Variants in PDGFD observed in about 807,000 individuals in gnomAD.
PDGFD encodes platelet-derived growth factor D.
In PDGFD, 30 loss-of-function variants were observed where a neutral mutation model predicts 44.7. The ratio of observed to expected loss-of-function variants is 0.67; its 90% CI spans 0.50 to 0.91. The LOEUF is 0.91. Among genes scored for constraint, PDGFD ranks in the 40% least tolerant of loss-of-function variants. The pLI is 0.00. For missense variants in PDGFD, 445 were observed against 457.8 expected (o/e 0.97, Z 0.25); for synonymous variants, 173 against 168.4 (o/e 1.03, Z -0.21).
chr11:104,073,555 T>C (rs572765473), intron 1 of PDGFD, among the ~76,000 whole-genome samples: 1 of 152,192 alleles, frequency 6.6e-6, no homozygotes, highest in Non-Finnish European at 1.5e-5. Context: ...ACTTTTTGTG[T>C]GTAAATAAAG....
chr11:104,079,712 A>G (rs910816864), intron 1 of PDGFD, among the ~76,000 whole-genome samples: 1 of 152,156 alleles, frequency 6.6e-6, no homozygotes, highest in African/African-American at 2.4e-5. Context: ...CTCTATTGGC[A>G]ATGCCTTTTA....
At chr11:104,053,754 A>G (rs931170428) in intron 1 of PDGFD, among the ~76,000 whole-genome samples, 7 of 152,212 alleles carry the variant, frequency 4.6e-5, no homozygotes, top group African/African-American at 1.7e-4. Context: ...ATCAAACCAG[A>G]TACAGTGCTG....
At chr11:104,161,404 AG>A (rs1232141799) in intron 1 of PDGFD, among the ~76,000 whole-genome samples, 3 of 152,330 alleles carry the variant, frequency 2.0e-5, no homozygotes, top group South Asian at 2.1e-4. Flanking sequence ...AATCAGAACA[AG>A]GTTTTAATTT....
At chr11:103,957,147 G>A (rs890076331) in intron 3 of PDGFD, among the ~76,000 whole-genome samples, 8 of 152,070 alleles carry the variant, frequency 5.3e-5, no homozygotes, top group African/African-American at 1.4e-4. Context: ...CCTATGTCCT[G>A]AATGGTAATG....
chr11:104,032,019 T>C (rs368313599), intron 1 of PDGFD, among the ~76,000 whole-genome samples: 1 of 151,916 alleles, frequency 6.6e-6, no homozygotes, highest in Non-Finnish European at 1.5e-5. Flanking sequence ...GGGGAGAGCA[T>C]GAGGAAAAAT....
At position 104,163,796 on chromosome 11, in the gene PDGFD, T is replaced by C; in HGVS notation, c.124+8A>G. 1 of 1,518,234 alleles carries C rather than the reference T, an allele frequency of 6.6e-7. No homozygotes were observed. Among genetic ancestry groups the C allele is most frequent in the Non-Finnish European group, 8.9e-7 (1 of 1,121,152 alleles). The allele number at this position is 1,518,234 out of a possible 1,614,324, so 94.0% of individuals were successfully genotyped here. A position where few individuals can be genotyped will look rare whatever the true frequency, so the allele number is the denominator to read the frequency against. On this transcript the variant is annotated splice_region_variant and intron_variant, in intron 1 of 6. Transcript: ENST00000393158. Reference sequence around the variant, plus strand: ...TTTTTCAGTTAAAAAATAAAATGAGTCTCTTACCATCTCGCCTGAGGTTGG... The same window carrying C: ...TTTTTCAGTTAAAAAATAAAATGAGCCTCTTACCATCTCGCCTGAGGTTGG...
chr11:104,060,376 T>C (rs10895567), intron 1 of PDGFD, among the ~76,000 whole-genome samples: 34,727 of 152,022 alleles, frequency 0.23, 4,325 homozygotes, highest in Non-Finnish European at 0.28. Flanking sequence ...CTGGACCAGG[T>C]AGCTGGCCCA....
intron 1 of PDGFD, among the ~76,000 whole-genome samples, chr11:104,027,403 C>T (rs1357164419): frequency 2.0e-5 from 3 of 152,112 alleles, no homozygotes; most frequent in Non-Finnish European, 2.9e-5. Flanking sequence ...TTCACTCCTA[C>T]GAGGAAAAAA....
intron 1 of PDGFD, among the ~76,000 whole-genome samples, chr11:104,093,722 A>G (rs1861243917): frequency 6.6e-6 from 1 of 151,602 alleles, no homozygotes; most frequent in South Asian, 2.1e-4. Flanking sequence ...CTCTTCAAAT[A>G]ACATCTCCAA....
rs187635909 is a variant in PDGFD, at chr11:104,008,958, G to A, written c.125-8703C>T. 2.9e-4 allele frequency among the ~76,000 whole-genome samples: 44 copies of A among 151,962 alleles called. 1 individual carries two copies. In the East Asian group the frequency reaches 7.9e-3, roughly 27 times the overall value. ...GACATTTAAAGATAACAAATAAAAGGCAATTTTATCAGAAATAAAATTGTA... is the reference window on the plus strand; with the variant it reads ...GACATTTAAAGATAACAAATAAAAGACAATTTTATCAGAAATAAAATTGTA... On this transcript the variant is annotated intron_variant, in intron 1 of 6. Transcript: ENST00000393158.
At chr11:104,058,492 G>T (rs939333954) in intron 1 of PDGFD, among the ~76,000 whole-genome samples, 1 of 152,086 alleles carries the variant, frequency 6.6e-6, no homozygotes, top group Non-Finnish European at 1.5e-5. Flanking sequence ...CAGCAACAAC[G>T]AGGACAACAG....
At chr11:104,044,213 C>G (rs1449907881) in intron 1 of PDGFD, among the ~76,000 whole-genome samples, 1 of 151,892 alleles carries the variant, frequency 6.6e-6, no homozygotes, top group Non-Finnish European at 1.5e-5. Context: ...AAATTACTAC[C>G]AAAAATCCAG....
intron 1 of PDGFD, among the ~76,000 whole-genome samples, chr11:104,105,469 T>C (rs1861458292): frequency 6.6e-6 from 1 of 152,162 alleles, no homozygotes. Context: ...TAAACCATGT[T>C]TACATGGGTA....
chr11:104,161,183 C>G (rs1002759566), intron 1 of PDGFD, among the ~76,000 whole-genome samples: 5 of 152,102 alleles, frequency 3.3e-5, no homozygotes, highest in African/African-American at 1.2e-4. Context: ...TTGTGATTTC[C>G]TATAATTTGC....
chr11:103,999,040 T>C (rs558344954), intron 2 of PDGFD, among the ~76,000 whole-genome samples: 1 of 152,314 alleles, frequency 6.6e-6, no homozygotes, highest in Non-Finnish European at 1.5e-5. Context: ...TTATTCTCTT[T>C]GTAAATATTA....
chr11:104,160,342 A>AAT (rs1862371247), intron 1 of PDGFD, among the ~76,000 whole-genome samples: 1 of 152,254 alleles, frequency 6.6e-6, no homozygotes, highest in Non-Finnish European at 1.5e-5. Flanking sequence ...AATGAAATGA[A>AAT]GAATGCATCT....
intron 1 of PDGFD, among the ~76,000 whole-genome samples, chr11:104,018,654 G>T (rs1427770937): frequency 6.6e-6 from 1 of 152,100 alleles, no homozygotes; most frequent in Non-Finnish European, 1.5e-5. Context: ...TTTCTTCAGG[G>T]AGGAGCCCTG....
At chr11:103,987,348 A>C (rs114931548) in intron 3 of PDGFD, among the ~76,000 whole-genome samples, 1,624 of 152,148 alleles carry the variant, frequency 0.011, 31 homozygotes, top group African/African-American at 0.035. Context: ...GGAAAGGTCT[A>C]GGCTCTCCTC....
intron 1 of PDGFD, among the ~76,000 whole-genome samples, chr11:104,066,367 C>T (rs1860792036): frequency 6.6e-6 from 1 of 152,126 alleles, no homozygotes; most frequent in African/African-American, 2.4e-5. Flanking sequence ...CAGAAATGAT[C>T]AGGTATTTCA....
Sources: allele counts gnomAD v4.1 joint callset (sites outside exome capture counted in the v4.1 genomes callset), GRCh38; gene constraint gnomAD v4.1.1; transcripts MANE v1.5; gene names NCBI Gene and HGNC (gene_info 2026-07-23, HGNC 2026-07-21).